Variants in MAP3K2 observed in about 807,000 individuals in gnomAD.
MAP3K2 encodes mitogen-activated protein kinase kinase kinase 2.
Under a neutral mutation model 80.3 loss-of-function variants are expected in MAP3K2, and 24 were observed. That is an observed-to-expected ratio of 0.30 (90% confidence interval 0.22 to 0.42). The LOEUF (loss-of-function observed/expected upper bound fraction) is 0.42, where lower values mean the gene tolerates loss of function less well. Ranked by LOEUF, MAP3K2 falls within the 10% of genes least tolerant of loss-of-function variation. The pLI is 1.00. For synonymous variants in MAP3K2, 244 were observed against 253.7 expected (o/e 0.96, Z 0.36); for missense variants, 608 against 750.1 (o/e 0.81, Z 2.21).
chr2:127,366,150 C>T (rs1408357006), intron 1 of MAP3K2, among the ~76,000 whole-genome samples: 2 of 152,126 alleles, frequency 1.3e-5, no homozygotes, highest in Non-Finnish European at 2.9e-5. Flanking sequence ...ACTTGATCCT[C>T]CCATTTGCAA....
At chr2:127,335,654 C>T (rs772357694) in intron 5 of MAP3K2, among the ~76,000 whole-genome samples, 1 of 152,180 alleles carries the variant, frequency 6.6e-6, no homozygotes, top group African/African-American at 2.4e-5. Context: ...CCCTATAATA[C>T]ACCCTCATTC....
At chr2:127,324,125 T>C (rs769301867) in intron 10 of MAP3K2, 49 bp downstream of exon 10, 10 of 1,308,402 alleles carry the variant, frequency 7.6e-6, no homozygotes, top group Non-Finnish European at 1.0e-5. Flanking sequence ...AGCCAAAACA[T>C]TATCCAATGA....
chr2:127,383,193 C>T (rs1687279621), intron 1 of MAP3K2, among the ~76,000 whole-genome samples: 1 of 152,184 alleles, frequency 6.6e-6, no homozygotes, highest in South Asian at 2.1e-4. Flanking sequence ...GATCCAGTCA[C>T]CTCCCACCAG....
rs1686594339 is a variant in MAP3K2, at chr2:127,346,345, T to G, written c.-65-3151A>C. ...AAGACTAAATTAGAAATGAAAAATT[T>G]CTCACAAATAAAAGCCCTGGACCAG... On this transcript the variant is annotated intron_variant, in intron 1 of 16. Transcript: ENST00000682094. Among the ~76,000 whole-genome samples, 3 of 140,892 alleles carry G rather than the reference T, an allele frequency of 2.1e-5. No individual in the cohort carries two copies. In the Admixed American group the frequency reaches 2.1e-4, roughly 10 times the overall value. 92.4% of individuals were successfully genotyped at this position (140,892 alleles called of 152,430 possible). A position where few individuals can be genotyped will look rare whatever the true frequency, so the allele number is the denominator to read the frequency against.
chr2:127,307,163 A>C lies in MAP3K2; in HGVS notation c.*416T>G, dbSNP rs1685716310. The C allele has an allele frequency of 6.5e-6, 1 of 153,158 alleles. No homozygotes were observed. Among genetic ancestry groups the C allele is most frequent in the Non-Finnish European group, 1.5e-5 (1 of 68,488 alleles). The allele number at this position is 153,158 out of a possible 1,614,324, so 9.5% of individuals were successfully genotyped here. ...GGATATATTTTAAATACTATCACTA[A>C]AAACTACAAATTATACATCATTTTC... On this transcript the variant is annotated 3_prime_UTR_variant, in exon 17 of 17. Transcript: ENST00000682094. This position sits in a 1 kb window ranked among gnomAD's most constrained non-coding sequence, Gnocchi z 5.4.
intron 1 of MAP3K2, among the ~76,000 whole-genome samples, chr2:127,346,409 T>TAAAAAAAAAAAAAAAAA (rs1223353072): frequency 3.5e-5 from 3 of 85,314 alleles, no homozygotes; most frequent in Admixed American, 1.5e-4. Context: ...AAAACTGGTT[T>TAAAAAAAAAAAAAAAAA]TAAAAAAAAA....
chr2:127,359,443 C>T (rs962532232), intron 1 of MAP3K2, among the ~76,000 whole-genome samples: 9 of 152,320 alleles, frequency 5.9e-5, no homozygotes, highest in Non-Finnish European at 1.2e-4. Flanking sequence ...GACATCTCAT[C>T]AACATCTGAA....
intron 11 of MAP3K2, among the ~76,000 whole-genome samples, chr2:127,323,171 G>T (rs903387504): frequency 5.3e-5 from 8 of 151,468 alleles, no homozygotes; most frequent in African/African-American, 1.7e-4. Context: ...GGAGGCCAAG[G>T]CAAGTGGATC....
chr2:127,332,308 TCTG>T (rs1292345439), intron 5 of MAP3K2, among the ~76,000 whole-genome samples: 2 of 152,218 alleles, frequency 1.3e-5, no homozygotes, highest in African/African-American at 4.8e-5. Context: ...GAGGGGAAAA[TCTG>T]AATACTTACT....
rs1257058216 is a variant in MAP3K2, at chr2:127,303,275, T to G, written c.*4304A>C. On this transcript the variant is annotated 3_prime_UTR_variant, in exon 17 of 17. Transcript: ENST00000682094. ...ATTTCTATCAAATGTTTTGGGTATT[T>G]TCACAATTTAGACCAAAATAAAGTA... 6.6e-6 allele frequency: 1 copy of G among 151,788 alleles called. No homozygotes were observed. The highest frequency in any genetic ancestry group is 2.4e-5 in the African/African-American group (1 of 41,328). 9.4% of individuals were successfully genotyped at this position (151,788 alleles called of 1,614,324 possible).
chr2:127,308,447 A>G, intron 16 of MAP3K2, 138 bp downstream of exon 16: 1 of 674,542 alleles, frequency 1.5e-6, no homozygotes, highest in East Asian at 2.6e-5. Context: ...CACAATTAAT[A>G]TAGTGTTAAT....
rs374889679 is a variant in MAP3K2 at position 127,324,111 on chromosome 2, T to TC, written c.745+62dup. On this transcript the variant is annotated intron_variant, in intron 10 of 16. Transcript: ENST00000682094. ...ACTTTTCAAAAATCCCCCCTCTCCC[T>TC]CCCAGCCAAAACATTATCCAATGAC... The TC allele has an allele frequency of 1.7e-4, 213 of 1,224,884 alleles. 2 individuals carry two copies. The African/African-American group carries it at 2.9e-3, about 16-fold the overall frequency. The allele number at this position is 1,224,884 out of a possible 1,614,324, so 75.9% of individuals were successfully genotyped here. A position where few individuals can be genotyped will look rare whatever the true frequency, so the allele number is the denominator to read the frequency against.
In MAP3K2 at chr2:127,355,319, A is replaced by G. The variant is rs551638972; in HGVS notation, c.-65-12125T>C. Among the ~76,000 whole-genome samples, 15 of 152,300 alleles carry G rather than the reference A, an allele frequency of 9.8e-5. No homozygotes were observed. In the South Asian group the frequency reaches 3.1e-3, roughly 32 times the overall value. On this transcript the variant is annotated intron_variant, in intron 1 of 16. Coordinates refer to ENST00000682094, the MANE Select transcript of MAP3K2 (RefSeq NM_001371910.2). ...GATGACAGCAGACTTTCTCATCAGG[A>G]ATAATGCAAACGAGAAGACAGAAAA...
intron 8 of MAP3K2, 149 bp from the exon 9 acceptor site, chr2:127,325,956 T>C: frequency 3.3e-6 from 2 of 610,892 alleles, no homozygotes; most frequent in South Asian, 2.0e-5. Context: ...ATACTGAGAG[T>C]TGTGCAACCC....
At position 127,378,932 on chromosome 2, in the gene MAP3K2, A is replaced by C. The variant is rs190428117; in HGVS notation, c.-66+8520T>G. ...CTCAGCCTTTTGAGTAGCTGGAACT[A>C]CCGGCGTGTGTGCTATCACGTCTGG... On this transcript the variant is annotated intron_variant, in intron 1 of 16. Transcript: ENST00000682094. Among the ~76,000 whole-genome samples, 9 of 146,002 alleles carry C rather than the reference A, an allele frequency of 6.2e-5. No homozygotes were observed. The East Asian group carries it at 1.6e-3, about 26-fold the overall frequency.
intron 14 of MAP3K2, 28 bp from the exon 15 acceptor site, chr2:127,314,911 A>G: frequency 6.5e-7 from 1 of 1,533,118 alleles, no homozygotes; most frequent in East Asian, 2.3e-5. Flanking sequence ...AAAAATAAAA[A>G]CTACTGTATA....
At position 127,323,953 on chromosome 2, in the gene MAP3K2, TTCC is replaced by T; in HGVS notation, c.784_786del (p.Gly262del). On this transcript the variant is annotated inframe_deletion, in exon 11 of 17. Transcript: ENST00000682094. ...GAAACATGATACCTTCTTGGATATG[TTCC>T]TCCTTTTCCAAATTTCTCAAAGATA... The T allele has an allele frequency of 1.3e-6, 2 of 1,566,938 alleles. No homozygotes were observed. Among genetic ancestry groups the T allele is most frequent in the Non-Finnish European group, 8.7e-7 (1 of 1,148,424 alleles).
At chr2:127,331,759 C>T (rs939825420) in intron 5 of MAP3K2, among the ~76,000 whole-genome samples, 1 of 152,330 alleles carries the variant, frequency 6.6e-6, no homozygotes, top group Admixed American at 6.5e-5. Context: ...GCATGCACCA[C>T]CACGCGTGGC....
chr2:127,384,783 T>A (rs537930401), intron 1 of MAP3K2, among the ~76,000 whole-genome samples: 145 of 152,172 alleles, frequency 9.5e-4, no homozygotes, highest in Non-Finnish European at 1.6e-3. Flanking sequence ...CTGCTTCAGC[T>A]TCCCAAATCA....
Sources: allele counts gnomAD v4.1 joint callset (sites outside exome capture counted in the v4.1 genomes callset), GRCh38; gene constraint gnomAD v4.1.1; non-coding constraint Gnocchi (gnomAD v3.1); transcripts MANE v1.5; gene names NCBI Gene and HGNC (gene_info 2026-07-23, HGNC 2026-07-21).